RBFOX1: variants seen among roughly 807,000 people sequenced by gnomAD.
The protein encoded by RBFOX1 is RNA binding protein fox-1 homolog 1.
In RBFOX1, 8 loss-of-function variants were observed where a neutral mutation model predicts 57.7. The observed-to-expected ratio is 0.14, with a 90% confidence interval of 0.08 to 0.25. The LOEUF is 0.25. RBFOX1 is among the 10% of genes least tolerant of loss of function. The pLI, the probability that RBFOX1 is intolerant of heterozygous loss-of-function variation, is 1.00. For missense variants in RBFOX1, 611 were observed against 548.5 expected (o/e 1.11, Z -1.14); for synonymous variants, 326 against 222.4 (o/e 1.47, Z -4.15).
chr16:6,099,761 C>T (rs772630111), intron 1 of RBFOX1, among the ~76,000 whole-genome samples: 4 of 152,100 alleles, frequency 2.6e-5, no homozygotes, highest in Admixed American at 1.3e-4. Flanking sequence ...GTGACTTTTA[C>T]GAAATAAGAC....
At chr16:6,938,678 G>T (rs1472579123) in intron 3 of RBFOX1, among the ~76,000 whole-genome samples, 1 of 152,076 alleles carries the variant, frequency 6.6e-6, no homozygotes, top group Non-Finnish European at 1.5e-5. Context: ...GTAGAATTGG[G>T]GCTTTGCCAT....
At chr16:6,308,097 G>C (rs1322309142) in intron 1 of RBFOX1, among the ~76,000 whole-genome samples, 2 of 150,130 alleles carry the variant, frequency 1.3e-5, no homozygotes, top group Non-Finnish European at 3.0e-5. Flanking sequence ...TATTTATTTA[G>C]GTTATTATTT....
intron 2 of RBFOX1, among the ~76,000 whole-genome samples, chr16:6,481,517 C>G (rs566236532): frequency 6.6e-6 from 1 of 152,350 alleles, no homozygotes; most frequent in African/African-American, 2.4e-5. Flanking sequence ...CTTTTGTGAA[C>G]TGATTTGTGA....
At chr16:7,040,613 C>A (rs1258889388) in intron 3 of RBFOX1, among the ~76,000 whole-genome samples, 1 of 152,106 alleles carries the variant, frequency 6.6e-6, no homozygotes, top group Non-Finnish European at 1.5e-5. Flanking sequence ...CTGCTTTTGT[C>A]TGAAGTTTGT....
intron 3 of RBFOX1, among the ~76,000 whole-genome samples, chr16:5,821,040 C>G (rs1229822417): frequency 6.6e-6 from 1 of 152,118 alleles, no homozygotes; most frequent in Non-Finnish European, 1.5e-5. Flanking sequence ...CCTCGTTTCC[C>G]TTTCCTTCCC....
chr16:7,522,167 T>C (rs2077653182), intron 5 of RBFOX1, among the ~76,000 whole-genome samples: 1 of 152,180 alleles, frequency 6.6e-6, no homozygotes, highest in Non-Finnish European at 1.5e-5. Flanking sequence ...GCCTTCAGAA[T>C]AAATCATTAA....
chr16:6,820,211 C>G (rs1343084915), intron 3 of RBFOX1, among the ~76,000 whole-genome samples: 1 of 152,168 alleles, frequency 6.6e-6, no homozygotes, highest in East Asian at 1.9e-4. Context: ...TGAGGCCTCC[C>G]CAGCCATGTG....
At chr16:5,969,590 G>A (rs1247548379) in intron 4 of RBFOX1, among the ~76,000 whole-genome samples, 21 of 150,918 alleles carry the variant, frequency 1.4e-4, no homozygotes, top group Non-Finnish European at 7.4e-5. Context: ...CCACAGTGCT[G>A]GGATTACAGG....
At chr16:6,650,766 A>T (rs1399243277) in intron 2 of RBFOX1, among the ~76,000 whole-genome samples, 1 of 152,192 alleles carries the variant, frequency 6.6e-6, no homozygotes, top group East Asian at 1.9e-4. Context: ...TTTACTAATA[A>T]ATCACCAGCT....
At chr16:5,503,647 T>C (rs2043278227) in intron 2 of RBFOX1, among the ~76,000 whole-genome samples, 1 of 152,180 alleles carries the variant, frequency 6.6e-6, no homozygotes, top group Admixed American at 6.5e-5. Context: ...TTTCCCCATG[T>C]TGGTCAGGTT....
At chr16:6,510,179 C>T (rs940444622) in intron 2 of RBFOX1, among the ~76,000 whole-genome samples, 1 of 152,140 alleles carries the variant, frequency 6.6e-6, no homozygotes, top group African/African-American at 2.4e-5. Context: ...ATGCTCTCTT[C>T]CTCATTATAA....
At chr16:6,007,646 T>C (rs1374627327) in intron 4 of RBFOX1, among the ~76,000 whole-genome samples, 1 of 152,248 alleles carries the variant, frequency 6.6e-6, no homozygotes, top group African/African-American at 2.4e-5. Context: ...GGATATTTTG[T>C]TTCCACTTTA....
At chr16:7,682,622 AGAT>A (rs1226673402) in intron 14 of RBFOX1, among the ~76,000 whole-genome samples, 3 of 151,618 alleles carry the variant, frequency 2.0e-5, no homozygotes, top group African/African-American at 7.3e-5. Flanking sequence ...TTTAAAAAAA[AGAT>A]GATCTGTCAA....
chr16:5,845,600 C>T (rs947491167), intron 3 of RBFOX1, among the ~76,000 whole-genome samples: 1 of 152,168 alleles, frequency 6.6e-6, no homozygotes, highest in African/African-American at 2.4e-5. Flanking sequence ...TTTCACTGTG[C>T]TTTTCTTTGT....
At chr16:7,082,808 C>G (rs1482818221) in intron 4 of RBFOX1, among the ~76,000 whole-genome samples, 1 of 152,086 alleles carries the variant, frequency 6.6e-6, no homozygotes, top group Non-Finnish European at 1.5e-5. Context: ...GTAGCTTAAT[C>G]AGTGTTGGTT....
intron 1 of RBFOX1, among the ~76,000 whole-genome samples, chr16:5,448,056 G>A (rs2068305628): frequency 6.6e-6 from 1 of 152,186 alleles, no homozygotes; most frequent in African/African-American, 2.4e-5. Flanking sequence ...GCTATCATGG[G>A]AAGTGAATCG....
chr16:6,260,049 G>T (rs967760467), intron 1 of RBFOX1, among the ~76,000 whole-genome samples: 1 of 150,672 alleles, frequency 6.6e-6, no homozygotes, highest in African/African-American at 2.4e-5. Context: ...CTTTATCTTC[G>T]TGAGAAATGG....
At chr16:7,501,659 AT>A (rs1474424166) in intron 4 of RBFOX1, among the ~76,000 whole-genome samples, 1 of 152,156 alleles carries the variant, frequency 6.6e-6, no homozygotes, top group Non-Finnish European at 1.5e-5. Context: ...CTGTCCTAAC[AT>A]TTAGCATTAC....
intron 4 of RBFOX1, among the ~76,000 whole-genome samples, chr16:7,395,339 AGAT>A (rs1259710822): frequency 6.6e-6 from 1 of 152,250 alleles, no homozygotes; most frequent in Non-Finnish European, 1.5e-5. Flanking sequence ...GAAACTCAGC[AGAT>A]GATTGAAATT....
Sources: gnomAD v4.1 joint callset for allele counts (sites outside exome capture counted in the v4.1 genomes callset) on GRCh38, gnomAD v4.1.1 for gene constraint, MANE v1.5 for transcripts, NCBI Gene and HGNC (gene_info 2026-07-23, HGNC 2026-07-21) for gene names.